ADGRV1: variants seen among roughly 807,000 people sequenced by gnomAD.
ADGRV1 encodes G-protein coupled receptor 98.
A neutral mutation model predicts 596.2 loss-of-function variants in ADGRV1; 359 were observed. The ratio of observed to expected loss-of-function variants is 0.60; its 90% CI spans 0.55 to 0.66. ADGRV1 has a LOEUF of 0.66. Ranked by LOEUF, ADGRV1 falls within the 30% of genes least tolerant of loss-of-function variation. The probability of loss-of-function intolerance (pLI) is 0.00; values close to 1 mark genes in which losing one functional copy is unlikely to be tolerated. For synonymous variants in ADGRV1, 2,681 were observed against 2,679.2 expected (o/e 1.00, Z -0.02); for missense variants, 7,274 against 7,575.6 (o/e 0.96, Z 1.48).
chr5:90,583,482 C>T (rs572651046), intron 1 of ADGRV1, among the ~76,000 whole-genome samples: 43 of 152,090 alleles, frequency 2.8e-4, no homozygotes, highest in Non-Finnish European at 6.0e-4. Flanking sequence ...GATTTCATGG[C>T]ACCATACATT....
chr5:90,666,141 A>G (rs1480809374), intron 21 of ADGRV1, among the ~76,000 whole-genome samples: 29 of 146,054 alleles, frequency 2.0e-4, no homozygotes, highest in South Asian at 4.4e-4. Context: ...CGCTTGGTGC[A>G]GAGCTGAGTT....
intron 85 of ADGRV1, among the ~76,000 whole-genome samples, chr5:91,011,281 A>G (rs949127866): frequency 6.6e-6 from 1 of 152,010 alleles, no homozygotes; most frequent in Non-Finnish European, 1.5e-5. Context: ...AAATTGTATT[A>G]CCAGTTATTT....
At chr5:91,089,716 T>G (rs1043105216) in intron 86 of ADGRV1, among the ~76,000 whole-genome samples, 17 of 152,224 alleles carry the variant, frequency 1.1e-4, no homozygotes, top group African/African-American at 4.1e-4. Flanking sequence ...TGCTAACTGA[T>G]GTCTTATCAA....
At chr5:90,948,261 A>T (rs1008069612) in intron 83 of ADGRV1, among the ~76,000 whole-genome samples, 6 of 152,122 alleles carry the variant, frequency 3.9e-5, no homozygotes, top group African/African-American at 1.4e-4. Flanking sequence ...GAGGTGAGCT[A>T]GGAGCAAGCA....
chr5:90,966,550 A>AT (rs1169040611), intron 84 of ADGRV1, among the ~76,000 whole-genome samples: 1 of 144,642 alleles, frequency 6.9e-6, no homozygotes, highest in Non-Finnish European at 1.5e-5. Flanking sequence ...AAAAAAAAAA[A>AT]TAGAAAGAAA....
rs1157702993 is a variant in ADGRV1, at chr5:90,651,783, A to G, written c.3416+53A>G. The G allele has an allele frequency of 2.1e-5, 24 of 1,156,842 alleles. 1 individual carries two copies. The highest frequency in any genetic ancestry group is 2.5e-5 in the Non-Finnish European group (20 of 805,586). The allele number at this position is 1,156,842 out of a possible 1,614,324, so 71.7% of individuals were successfully genotyped here. A position where few individuals can be genotyped will look rare whatever the true frequency, so the allele number is the denominator to read the frequency against. On this transcript the variant is annotated intron_variant, in intron 18 of 89. Transcript: ENST00000405460. ...AAAATTGGGTGAAATAAAACCATTA[A>G]GTATGTGAAATTCTGAAATATTCCT...
chr5:90,577,077 T>C (rs1757330366), intron 1 of ADGRV1, among the ~76,000 whole-genome samples: 1 of 152,148 alleles, frequency 6.6e-6, no homozygotes, highest in South Asian at 2.1e-4. Context: ...TGCCTATTCA[T>C]GCTGATGGTA....
intron 54 of ADGRV1, 78 bp downstream of exon 54, chr5:90,753,907 G>A (rs1755545355): frequency 2.2e-6 from 3 of 1,347,644 alleles, no homozygotes; most frequent in South Asian, 3.4e-5. Flanking sequence ...TATAAGGAAT[G>A]TAAATTTCTC....
chr5:90,990,183 C>G (rs1217446441), intron 85 of ADGRV1, among the ~76,000 whole-genome samples: 1 of 152,158 alleles, frequency 6.6e-6, no homozygotes, highest in Non-Finnish European at 1.5e-5. Context: ...TTTCATTTGT[C>G]TACCTACAAA....
At chr5:90,589,938 G>A (rs1759256073) in intron 1 of ADGRV1, among the ~76,000 whole-genome samples, 1 of 151,828 alleles carries the variant, frequency 6.6e-6, no homozygotes, top group South Asian at 2.1e-4. Flanking sequence ...GCTTTTCTAT[G>A]GATATACTCA....
At chr5:90,869,502 G>A (rs1481003920) in intron 83 of ADGRV1, among the ~76,000 whole-genome samples, 1 of 152,124 alleles carries the variant, frequency 6.6e-6, no homozygotes, top group Non-Finnish European at 1.5e-5. Context: ...ACTAAAGAAG[G>A]TAAGAGACTC....
chr5:90,738,459 C>T (rs1425899682), intron 50 of ADGRV1, among the ~76,000 whole-genome samples: 1 of 152,048 alleles, frequency 6.6e-6, no homozygotes, highest in African/African-American at 2.4e-5. Flanking sequence ...TTCATTTAAG[C>T]TTAAGTAACT....
rs190297212 is a variant in ADGRV1, at chr5:90,689,650, A to G, written c.6491-211A>G. ...GGAATGAACTTGAGCACCCCTAGGA[A>G]GTCTTTTTCGTTATTTTGTGACATT... On this transcript the variant is annotated intron_variant, in intron 29 of 89. Transcript: ENST00000405460. 3.3e-3 allele frequency among the ~76,000 whole-genome samples: 498 copies of G among 152,220 alleles called. 3 individuals are homozygous for G. Among genetic ancestry groups the G allele is most frequent in the Non-Finnish European group, 4.7e-3 (321 of 67,998 alleles).
In ADGRV1 at chr5:90,885,755, T is replaced by G. The variant is rs553139505; in HGVS notation, c.17856+21898T>G. The stretch of plus-strand genomic sequence containing the variant: ...ACAGGATATTGGTTAGAGGAAGAGA[T>G]AGAAATGAATCTGCCCCATAATTTG... On this transcript the variant is annotated intron_variant, in intron 83 of 89. Coordinates refer to ENST00000405460, the MANE Select transcript of ADGRV1 (RefSeq NM_032119.4). Among the ~76,000 whole-genome samples the G allele has an allele frequency of 2.6e-5, 4 of 152,230 alleles. No homozygotes were observed. The East Asian group carries it at 5.8e-4, about 22-fold the overall frequency.
chr5:90,991,532 A>G (rs1157989305), intron 85 of ADGRV1, among the ~76,000 whole-genome samples: 1 of 151,862 alleles, frequency 6.6e-6, no homozygotes, highest in Non-Finnish European at 1.5e-5. Context: ...CAATTTTCCC[A>G]CCTCCCAAAG....
At chr5:90,782,252 T>G (rs761808535) in intron 65 of ADGRV1, among the ~76,000 whole-genome samples, 1 of 152,154 alleles carries the variant, frequency 6.6e-6, no homozygotes, top group Non-Finnish European at 1.5e-5. Flanking sequence ...ATTTTTAAAG[T>G]TCATAAAAAA....
chr5:90,725,349 G>T lies in ADGRV1; in HGVS notation c.10053+117G>T, dbSNP rs1580886806. ...ATGTTAATGTGAAAAAGGACTTTTT[G>T]TGAGTTGATATACATTTTAGCAAAG... On this transcript the variant is annotated intron_variant, in intron 47 of 89. Transcript: ENST00000405460. 7.8e-6 allele frequency: 6 copies of T among 771,676 alleles called. No homozygotes were observed. In the East Asian group the frequency reaches 1.8e-4, roughly 23 times the overall value. The allele number at this position is 771,676 out of a possible 1,614,324, so 47.8% of individuals were successfully genotyped here. A position where few individuals can be genotyped will look rare whatever the true frequency, so the allele number is the denominator to read the frequency against.
At chr5:90,737,949 GC>G (rs1326056706) in intron 50 of ADGRV1, among the ~76,000 whole-genome samples, 1 of 151,574 alleles carries the variant, frequency 6.6e-6, no homozygotes. Context: ...GAGCAGACTT[GC>G]TACTGCCCTT....
Position 90,763,622 on chromosome 5 carries a change from C to A in ADGRV1, c.12285+153C>A, listed in dbSNP as rs567280275. On this transcript the variant is annotated intron_variant, in intron 59 of 89. Transcript: ENST00000405460. ...GTTTGGGCTTCTAGTGAGCCCATAA[C>A]CCAAATAGTGAATATAGTACCCAAT... is the stretch of plus-strand genomic sequence containing the variant. Among the ~76,000 whole-genome samples the A allele has an allele frequency of 6.6e-5, 10 of 152,228 alleles. No homozygotes were observed. The South Asian group carries it at 2.1e-3, about 32-fold the overall frequency.
Sources: gnomAD v4.1 joint callset for allele counts (sites outside exome capture counted in the v4.1 genomes callset) on GRCh38, gnomAD v4.1.1 for gene constraint, MANE v1.5 for transcripts, NCBI Gene and HGNC (gene_info 2026-07-23, HGNC 2026-07-21) for gene names.